TMEM135: variants seen among roughly 807,000 people sequenced by gnomAD.
TMEM135 encodes the protein transmembrane protein 135.
A neutral mutation model predicts 60.3 loss-of-function variants in TMEM135; 30 were observed. That is an observed-to-expected ratio of 0.50 (90% CI 0.37 to 0.68). TMEM135 has a LOEUF of 0.68. Ranked by LOEUF, TMEM135 falls within the 30% of genes least tolerant of loss-of-function variation. The pLI, the probability that TMEM135 is intolerant of heterozygous loss-of-function variation, is 0.00. For synonymous variants in TMEM135, 190 were observed against 186.7 expected, an observed-to-expected ratio of 1.02 and a Z score of -0.14; for missense variants, 468 against 548.8, an observed-to-expected ratio of 0.85 and a Z score of 1.47.
Position 87,067,804 on chromosome 11 carries a change from T to C in TMEM135, c.252T>C (p.Ala84=). The stretch of plus-strand genomic sequence containing the variant: ...CTGCTAATGGGGCCTTGTATATGGC[T>C]TTCTTTTGCATTTTAAGGTTGGTAC... ...FLTANGALYM[A]FFCILRKILG... is the part of the protein sequence containing the mutation. Residue 84 remains alanine (A), a synonymous_variant, in exon 2 of 15, where the codon GCT becomes GCC. Transcript: ENST00000305494. 1 of 1,613,842 alleles carries C rather than the reference T, an allele frequency of 6.2e-7. No homozygotes were observed. Among genetic ancestry groups the C allele is most frequent in the Non-Finnish European group, 8.5e-7 (1 of 1,179,868 alleles).
At chr11:87,213,154 T>A (rs1940416302) in intron 5 of TMEM135, among the ~76,000 whole-genome samples, 1 of 152,186 alleles carries the variant, frequency 6.6e-6, no homozygotes, top group South Asian at 2.1e-4. Flanking sequence ...AATTTATGAA[T>A]TACATTTCTG....
intron 6 of TMEM135, among the ~76,000 whole-genome samples, chr11:87,238,454 T>A (rs1941056295): frequency 2.0e-5 from 3 of 152,040 alleles, no homozygotes; most frequent in African/African-American, 7.2e-5. Flanking sequence ...AGATTTTGTA[T>A]CAGTCATTGG....
At chr11:87,315,913 C>A (rs1942720399) in intron 12 of TMEM135, among the ~76,000 whole-genome samples, 1 of 151,914 alleles carries the variant, frequency 6.6e-6, no homozygotes, top group Non-Finnish European at 1.5e-5. Context: ...TAAGTTGACT[C>A]CTCCTTGTTG....
rs576607887 is a variant in TMEM135 at position 87,234,721 on chromosome 11, G to A, written c.463-1917G>A. On this transcript the variant is annotated intron_variant, in intron 5 of 14. Transcript: ENST00000305494. ...AGGGAAATTATATAAAGTATCTAGA[G>A]TTACCCAGAACTAAGATTCAAACCC... Among the ~76,000 whole-genome samples the A allele has an allele frequency of 5.9e-5, 9 of 152,136 alleles. 1 individual carries two copies. The highest frequency in any genetic ancestry group is 2.2e-4 in the African/African-American group (9 of 41,548).
rs781028246 is a variant in TMEM135 at position 87,067,710 on chromosome 11, G to A, written c.158G>A (p.Arg53Gln). The A allele has an allele frequency of 6.2e-6, 10 of 1,613,632 alleles. No homozygotes were observed. Among genetic ancestry groups the A allele is most frequent in the Middle Eastern group, 1.7e-4 (1 of 6,056 alleles). The change falls in exon 2 of 15, where the codon CGG becomes CAG. Residue 53 changes from arginine to glutamine, a missense_variant. Transcript: ENST00000305494. ...TCTTTCCAGATTGCAGCAATTCTCC[G>A]GAAACGGAAATTAGACTATTATTTA... ...APLYLIAAIL[R>Q]KRKLDYYLHK...
chr11:87,041,146 C>A (rs891232838), intron 1 of TMEM135, among the ~76,000 whole-genome samples: 1 of 152,052 alleles, frequency 6.6e-6, no homozygotes, highest in Non-Finnish European at 1.5e-5. Flanking sequence ...TAGTCCTTTA[C>A]GTATTTTATC....
At chr11:87,178,310 A>T in intron 5 of TMEM135, 1 of 427,872 alleles carries the variant, frequency 2.3e-6, no homozygotes, top group South Asian at 1.7e-5. Context: ...CTGTGCCAGG[A>T]ACTAGGAACA....
chr11:87,295,113 A>G (rs918911621), intron 6 of TMEM135, among the ~76,000 whole-genome samples: 4 of 152,170 alleles, frequency 2.6e-5, no homozygotes, highest in African/African-American at 7.2e-5. Context: ...ATCTCTATTC[A>G]TACAGTTTAG....
At chr11:87,309,971 G>T (rs1306886837) in intron 10 of TMEM135, among the ~76,000 whole-genome samples, 2 of 151,464 alleles carry the variant, frequency 1.3e-5, no homozygotes, top group African/African-American at 2.4e-5. Context: ...TGAATTTTTT[G>T]GATATTTCCA....
At chr11:87,101,695 C>G (rs1191082913) in intron 4 of TMEM135, among the ~76,000 whole-genome samples, 1 of 152,170 alleles carries the variant, frequency 6.6e-6, no homozygotes, top group Non-Finnish European at 1.5e-5. Flanking sequence ...GTGATTCAGC[C>G]TAGGCACAGT....
chr11:87,132,682 C>T (rs938298630), intron 4 of TMEM135, among the ~76,000 whole-genome samples: 6 of 146,690 alleles, frequency 4.1e-5, no homozygotes, highest in Non-Finnish European at 7.6e-5. Flanking sequence ...TTAACAACAA[C>T]TTTATTGAAG....
rs532864664 is a variant in TMEM135, at chr11:87,179,641, G to A, written c.462+22235G>A. 2.0e-5 allele frequency among the ~76,000 whole-genome samples: 3 copies of A among 152,086 alleles called. No individual in the cohort carries two copies. The East Asian group carries it at 5.8e-4, about 29-fold the overall frequency. ...TTTTTTTTTAATTTTTTGCCTGTGT[G>A]TATTCAGTTGTACCAGCAGCATTTT... On this transcript the variant is annotated intron_variant, in intron 5 of 14. Coordinates refer to ENST00000305494, the MANE Select transcript of TMEM135 (RefSeq NM_022918.4).
intron 1 of TMEM135, among the ~76,000 whole-genome samples, chr11:87,064,183 A>G (rs1856599493): frequency 6.6e-6 from 1 of 151,274 alleles, no homozygotes; most frequent in Non-Finnish European, 1.5e-5. Context: ...AGCCATTCTA[A>G]TGTGTGTGTG....
chr11:87,325,895 C>T lies in TMEM135; in HGVS notation c.*4562C>T, dbSNP rs1245665486. On this transcript the variant is annotated 3_prime_UTR_variant, in exon 15 of 15. Coordinates refer to ENST00000305494, the MANE Select transcript of TMEM135 (RefSeq NM_022918.4). The stretch of plus-strand genomic sequence containing the variant: ...TCTTTTACTTTCTCCATTTTTTTTC[C>T]ATCTGTCCCTCCTACGAATATGTTT... 6.6e-6 allele frequency: 3 copies of T among 453,504 alleles called. No individual in the cohort carries two copies. The highest frequency in any genetic ancestry group is 3.1e-5 in the South Asian group (2 of 64,450). 28.1% of individuals were successfully genotyped at this position (453,504 alleles called of 1,614,324 possible).
chr11:87,161,737 G>C (rs1938886684), intron 5 of TMEM135, among the ~76,000 whole-genome samples: 2 of 152,030 alleles, frequency 1.3e-5, no homozygotes, highest in Admixed American at 1.3e-4. Context: ...TCTATTGTTT[G>C]AATTTTTAAA....
In TMEM135 at chr11:87,195,121, C is replaced by T. The variant is rs531030687; in HGVS notation, c.462+37715C>T. ...TAAAATCTGAATTATGTTTGTTTTACCAAGAAACATGAGTATTCTTTGCAA... is the reference window on the plus strand; with the variant it reads ...TAAAATCTGAATTATGTTTGTTTTATCAAGAAACATGAGTATTCTTTGCAA... On this transcript the variant is annotated intron_variant, in intron 5 of 14. Transcript: ENST00000305494. Among the ~76,000 whole-genome samples, 3 of 152,214 alleles carry T rather than the reference C, an allele frequency of 2.0e-5. No homozygotes were observed. The South Asian group carries it at 6.2e-4, about 32-fold the overall frequency.
At chr11:87,120,964 C>G (rs564300940) in intron 4 of TMEM135, 3 of 152,130 alleles carry the variant, frequency 2.0e-5, no homozygotes, top group African/African-American at 7.2e-5. Flanking sequence ...GTTGGGGAAA[C>G]AATGATGAAT....
intron 5 of TMEM135, among the ~76,000 whole-genome samples, chr11:87,197,469 G>A (rs1939987273): frequency 1.3e-5 from 2 of 152,064 alleles, no homozygotes; most frequent in Non-Finnish European, 2.9e-5. Context: ...ATCTAGAAAG[G>A]AGATGGTAAC....
chr11:87,210,586 A>G (rs948237609), intron 5 of TMEM135, among the ~76,000 whole-genome samples: 2 of 152,168 alleles, frequency 1.3e-5, no homozygotes, highest in South Asian at 4.1e-4. Flanking sequence ...TATTAGACAT[A>G]CAAAGAAATG....
Sources: gnomAD v4.1 joint callset for allele counts (sites outside exome capture counted in the v4.1 genomes callset) on GRCh38, gnomAD v4.1.1 for gene constraint, MANE v1.5 for transcripts, NCBI Gene and HGNC (gene_info 2026-07-23, HGNC 2026-07-21) for gene names.